The following FIGN variants were observed in gnomAD, a reference collection of about 807,000 sequenced individuals.
FIGN encodes fidgetin, microtubule severing factor.
Under a neutral mutation model 51.3 loss-of-function variants are expected in FIGN, and 11 were observed. The observed-to-expected ratio is 0.21, with a 90% CI of 0.13 to 0.35. FIGN has a LOEUF of 0.35. Ranked by LOEUF, FIGN falls within the 10% of genes least tolerant of loss-of-function variation. The probability of loss-of-function intolerance (pLI) is 1.00; values close to 1 mark genes in which losing one functional copy is unlikely to be tolerated. For missense variants in FIGN, 857 were observed against 943.6 expected, an observed-to-expected ratio of 0.91 and a Z score of 1.20; for synonymous variants, 407 against 363.2, an observed-to-expected ratio of 1.12 and a Z score of -1.37.
chr2:163,658,730 C>T (rs73974364), intron 2 of FIGN, among the ~76,000 whole-genome samples: 3 of 152,132 alleles, frequency 2.0e-5, no homozygotes, highest in African/African-American at 7.2e-5. Flanking sequence ...CAGGAGGGAT[C>T]TGCCTGCACA....
chr2:163,657,745 T>G (rs1683585773), intron 2 of FIGN, among the ~76,000 whole-genome samples: 1 of 152,148 alleles, frequency 6.6e-6, no homozygotes, highest in African/African-American at 2.4e-5. Flanking sequence ...GTGTAGAATA[T>G]AAAAGGAATT....
chr2:163,710,610 G>A (rs2105356348), intron 2 of FIGN, among the ~76,000 whole-genome samples: 1 of 152,298 alleles, frequency 6.6e-6, no homozygotes, highest in African/African-American at 2.4e-5. Flanking sequence ...TCAGTTCTGT[G>A]CAAGACTTTG....
At chr2:163,617,169 A>C in intron 2 of FIGN, 1 of 985,334 alleles carries the variant, frequency 1.0e-6, no homozygotes, top group Non-Finnish European at 1.2e-6. Context: ...TGGCTTTAAA[A>C]TATGGCATAA....
chr2:163,671,875 C>T (rs1437896864), intron 2 of FIGN, among the ~76,000 whole-genome samples: 1 of 152,148 alleles, frequency 6.6e-6, no homozygotes, highest in East Asian at 1.9e-4. Context: ...AAGTTTTCAT[C>T]ATGACTTATC....
chr2:163,627,640 C>T (rs1683073164), intron 2 of FIGN, among the ~76,000 whole-genome samples: 2 of 152,076 alleles, frequency 1.3e-5, no homozygotes, highest in South Asian at 4.1e-4. Context: ...TAATCCTTCA[C>T]ACTGTGAAGG....
chr2:163,628,254 T>A (rs545518568), intron 2 of FIGN, among the ~76,000 whole-genome samples: 1 of 152,084 alleles, frequency 6.6e-6, no homozygotes, highest in African/African-American at 2.4e-5. Flanking sequence ...GAGGTGGCTA[T>A]ACAGAGGAGC....
Position 163,609,961 on chromosome 2 carries a change from A to G in FIGN, c.1871T>C (p.Ile624Thr), listed in dbSNP as rs774889343. 6.2e-7 allele frequency: 1 copy of G among 1,613,968 alleles called. No homozygotes were observed. The highest frequency in any genetic ancestry group is 1.1e-5 in the South Asian group (1 of 91,078). ...TTTACTGGTGGCACAAATTACTACG[A>G]TTTGGTCCTCAGCCGAAGTTAGTAC... is the stretch of plus-strand genomic sequence containing the variant. Reference protein sequence around the residue: ...DTVLTSAEDQIVVICATSKPE... With the variant: ...DTVLTSAEDQTVVICATSKPE... Residue 624 changes from isoleucine (I) to threonine (T), a missense_variant, in exon 3 of 3, where the codon ATC (isoleucine) becomes ACC (threonine). Physicochemically the swap from Ile to Thr is moderately conservative, Grantham distance 89. This residue lies in a region of FIGN where 799 missense variants were observed against 849.5 expected (regional missense o/e 0.94). Transcript: ENST00000333129.
intron 2 of FIGN, among the ~76,000 whole-genome samples, chr2:163,668,765 C>A (rs1355925610): frequency 6.6e-6 from 1 of 151,776 alleles, no homozygotes; most frequent in African/African-American, 2.4e-5. Flanking sequence ...ACGGTGAAAC[C>A]CCGTCTCTAC....
In FIGN at chr2:163,605,053, A is replaced by G. The variant is rs1485205884; in HGVS notation, c.*4499T>C. The stretch of plus-strand genomic sequence containing the variant: ...TTAACATTCTATAGGACTGATTCAT[A>G]TATTCTCACACAACTCTGTGGCAAG... On this transcript the variant is annotated 3_prime_UTR_variant, in exon 3 of 3. Transcript: ENST00000333129. The G allele has an allele frequency of 1.4e-5, 2 of 145,822 alleles. No homozygotes were observed. 9.0% of individuals were successfully genotyped at this position (145,822 alleles called of 1,614,324 possible).
chr2:163,610,520 G>A lies in FIGN; in HGVS notation c.1312C>T (p.Leu438Phe). 1 of 1,614,172 alleles carries A rather than the reference G, an allele frequency of 6.2e-7. No individual in the cohort carries two copies. The highest frequency in any genetic ancestry group is 2.2e-5 in the East Asian group (1 of 44,884). The part of the protein sequence containing the change: ...SEHGDEHRQL[L>F]SHPMQGPGLR... ...CCAGGGCCTTGCATTGGGTGAGAGA[G>A]GAGCTGCCTGTGCTCGTCCCCATGC... The change falls in exon 3 of 3, where the codon CTC (leucine) becomes TTC (phenylalanine). Residue 438 changes from leucine to phenylalanine, a missense_variant. Leu to Phe is a conservative substitution (Grantham distance 22). This residue lies in a region of FIGN where 799 missense variants were observed against 849.5 expected (regional missense o/e 0.94). Coordinates refer to ENST00000333129, the MANE Select transcript of FIGN (RefSeq NM_018086.4).
At chr2:163,714,033 G>A (rs1056279980) in intron 2 of FIGN, among the ~76,000 whole-genome samples, 1 of 152,138 alleles carries the variant, frequency 6.6e-6, no homozygotes, top group South Asian at 2.1e-4. Context: ...CTTGCACAGC[G>A]GCTCACGGGG....
intron 2 of FIGN, chr2:163,617,386 T>A (rs1292438126): frequency 8.4e-6 from 2 of 238,092 alleles, no homozygotes; most frequent in East Asian, 3.6e-4. Flanking sequence ...AAAAGGAGGA[T>A]CCATTTTCTA....
Position 163,610,682 on chromosome 2 carries a change from A to T in FIGN, c.1150T>A (p.Ser384Thr), listed in dbSNP as rs917585173. 4.3e-6 allele frequency: 7 copies of T among 1,614,094 alleles called. No individual in the cohort carries two copies. In the East Asian group the frequency reaches 1.6e-4, roughly 36 times the overall value. The change falls in exon 3 of 3, where the codon TCC becomes ACC. Residue 384 changes from serine (S) to threonine (T), a missense_variant. Physicochemically the swap from Ser to Thr is moderately conservative, Grantham distance 58 (BLOSUM62 1). This residue lies in a region of FIGN where 799 missense variants were observed against 849.5 expected (regional missense o/e 0.94). Transcript: ENST00000333129. Reference protein sequence around the residue: ...LAFKPTKQLMSSEQQRKFSSQ... With the variant: ...LAFKPTKQLMTSEQQRKFSSQ... ...CTGAATTTCCTTTGCTGTTCAGAGG[A>T]CATTAGCTGCTTCGTTGGCTTAAAT...
At chr2:163,684,785 T>G (rs1684118902) in intron 2 of FIGN, among the ~76,000 whole-genome samples, 1 of 152,160 alleles carries the variant, frequency 6.6e-6, no homozygotes, top group Admixed American at 6.5e-5. Context: ...TTTTTCTTCT[T>G]CTTTCTGAGA....
intron 2 of FIGN, among the ~76,000 whole-genome samples, chr2:163,635,933 T>C (rs1430975549): frequency 6.6e-6 from 1 of 152,148 alleles, no homozygotes; most frequent in African/African-American, 2.4e-5. Flanking sequence ...AAGATAGATA[T>C]GTATAAAGAA....
At chr2:163,687,357 G>A (rs1319145766) in intron 2 of FIGN, among the ~76,000 whole-genome samples, 4 of 152,288 alleles carry the variant, frequency 2.6e-5, no homozygotes, top group African/African-American at 7.2e-5. Context: ...CAACCACTAG[G>A]CTTTGAGTGC....
intron 2 of FIGN, among the ~76,000 whole-genome samples, chr2:163,671,750 A>T (rs1184602323): frequency 6.6e-6 from 1 of 152,222 alleles, no homozygotes; most frequent in Non-Finnish European, 1.5e-5. Context: ...AGTCCTATAA[A>T]ACATCAAATA....
At chr2:163,688,512 G>C (rs1300087106) in intron 2 of FIGN, among the ~76,000 whole-genome samples, 1 of 152,166 alleles carries the variant, frequency 6.6e-6, no homozygotes, top group African/African-American at 2.4e-5. Flanking sequence ...CAAAAATCGA[G>C]AAATGTGTGT....
chr2:163,646,748 A>G (rs1683388974), intron 2 of FIGN, among the ~76,000 whole-genome samples: 1 of 152,214 alleles, frequency 6.6e-6, no homozygotes, highest in African/African-American at 2.4e-5. Flanking sequence ...TCTGTTGACA[A>G]TACATTGATC....
Sources: gnomAD v4.1 joint callset for allele counts (sites outside exome capture counted in the v4.1 genomes callset) on GRCh38, gnomAD v4.1.1 for gene constraint, gnomAD v4.1.1 regional missense constraint, MANE v1.5 for transcripts, NCBI Gene and HGNC (gene_info 2026-07-23, HGNC 2026-07-21) for gene names.